Variants in ADCY8 observed in about 807,000 individuals in gnomAD.
ADCY8 encodes adenylate cyclase type 8.
ADCY8 carries 51 observed loss-of-function variants against 119.7 expected under a neutral mutation model. That is an observed-to-expected ratio of 0.43 (90% CI 0.34 to 0.54). The LOEUF is 0.54. Ranked by LOEUF, ADCY8 falls within the 20% of genes least tolerant of loss-of-function variation. The pLI, the probability that ADCY8 is intolerant of heterozygous loss-of-function variation, is 0.03. For synonymous variants in ADCY8, 665 were observed against 651.0 expected (o/e 1.02, Z -0.33); for missense variants, 1,383 against 1,598.8 (o/e 0.87, Z 2.30).
chr8:130,940,496 T>C lies in ADCY8; in HGVS notation c.1353+2855A>G, dbSNP rs558664564. On this transcript the variant is annotated intron_variant, in intron 4 of 17. Coordinates refer to ENST00000286355, the MANE Select transcript of ADCY8 (RefSeq NM_001115.3). ...TGGTTGTATATACGCATATATATTA[T>C]ATAAAATTATTTTATACAAAAAAAT... is the stretch of plus-strand genomic sequence containing the variant. 1.3e-3 allele frequency among the ~76,000 whole-genome samples: 195 copies of C among 151,928 alleles called. 1 individual carries two copies. Among genetic ancestry groups the C allele is most frequent in the Middle Eastern group, 3.5e-3 (1 of 286 alleles).
intron 11 of ADCY8, 25 bp from the exon 12 acceptor site, chr8:130,836,474 C>A: frequency 1.2e-6 from 2 of 1,607,652 alleles, no homozygotes; most frequent in South Asian, 2.2e-5. Context: ...TGCAGGTGGT[C>A]AGATTCAATG....
intron 15 of ADCY8, among the ~76,000 whole-genome samples, chr8:130,798,043 T>C (rs1194404194): frequency 1.3e-5 from 2 of 152,198 alleles, no homozygotes; most frequent in Admixed American, 1.3e-4. Flanking sequence ...ATTTTTAAAA[T>C]GAAGGCTAAT....
chr8:130,969,526 C>A (rs932165374), intron 2 of ADCY8, among the ~76,000 whole-genome samples: 1 of 152,152 alleles, frequency 6.6e-6, no homozygotes, highest in Non-Finnish European at 1.5e-5. Flanking sequence ...TTATTATTAA[C>A]TACACTTGTA....
At chr8:130,875,027 T>G (rs980702076) in intron 8 of ADCY8, among the ~76,000 whole-genome samples, 2 of 152,186 alleles carry the variant, frequency 1.3e-5, no homozygotes, top group Admixed American at 1.3e-4. Flanking sequence ...TATATTACAC[T>G]GTTATAGGTG....
At position 130,814,150 on chromosome 8, in the gene ADCY8, C is replaced by A; in HGVS notation, c.2832G>T (p.Arg944Ser). The change falls in exon 14 of 18, where the codon AGG becomes AGT. Residue 944 changes from arginine to serine, a missense_variant. Around this residue, in one of 2 missense-constraint regions of ADCY8, gnomAD observed 928 missense variants for 1,163.5 expected, o/e 0.80. Coordinates refer to ENST00000286355, the MANE Select transcript of ADCY8 (RefSeq NM_001115.3). The stretch of plus-strand genomic sequence containing the variant: ...TCCGGAGCATGTTCTCATTGTGTTC[C>A]CTCAGCTCCTTCATCTCATTGATCT... ...KEEINEMKELREHNENMLRNI... is the reference protein window; with the variant it reads ...KEEINEMKELSEHNENMLRNI... 1 of 1,614,088 alleles carries A rather than the reference C, an allele frequency of 6.2e-7. No individual in the cohort carries two copies. The highest frequency in any genetic ancestry group is 8.5e-7 in the Non-Finnish European group (1 of 1,180,036).
At chr8:130,995,574 C>A (rs1369855789) in intron 1 of ADCY8, among the ~76,000 whole-genome samples, 5 of 152,126 alleles carry the variant, frequency 3.3e-5, no homozygotes, top group African/African-American at 4.8e-5. Flanking sequence ...TCTAACCAAT[C>A]TGATTTCTGT....
chr8:130,816,661 G>A (rs191940731), intron 13 of ADCY8, among the ~76,000 whole-genome samples: 141 of 152,016 alleles, frequency 9.3e-4, no homozygotes, highest in East Asian at 8.9e-3. Context: ...TCCTGACCTC[G>A]TGATCCACCT....
At chr8:130,992,315 C>T (rs1218700041) in intron 1 of ADCY8, among the ~76,000 whole-genome samples, 1 of 136,762 alleles carries the variant, frequency 7.3e-6, no homozygotes, top group Non-Finnish European at 1.6e-5. Context: ...AACTCCTGAC[C>T]TCAAGTGATC....
At chr8:130,843,533 A>C (rs1817209246) in intron 11 of ADCY8, among the ~76,000 whole-genome samples, 1 of 152,124 alleles carries the variant, frequency 6.6e-6, no homozygotes, top group Non-Finnish European at 1.5e-5. Flanking sequence ...AGCAATAATA[A>C]AGCTCAGGCA....
At chr8:130,823,672 G>A (rs1222621860) in intron 12 of ADCY8, among the ~76,000 whole-genome samples, 1 of 152,028 alleles carries the variant, frequency 6.6e-6, no homozygotes, top group Admixed American at 6.6e-5. Flanking sequence ...ATATTTGAGT[G>A]CTATTCATTA....
At chr8:131,024,735 T>C (rs1823773060) in intron 1 of ADCY8, among the ~76,000 whole-genome samples, 2 of 152,200 alleles carry the variant, frequency 1.3e-5, no homozygotes, top group South Asian at 4.1e-4. Context: ...GACACACAAA[T>C]TTGCAACTGA....
chr8:130,798,332 T>C (rs1676350167), intron 15 of ADCY8, among the ~76,000 whole-genome samples: 1 of 152,140 alleles, frequency 6.6e-6, no homozygotes, highest in Non-Finnish European at 1.5e-5. Flanking sequence ...CCTTCAACCG[T>C]AGAAGTAGCG....
chr8:130,959,636 C>T (rs895806987), intron 2 of ADCY8, among the ~76,000 whole-genome samples: 7 of 152,090 alleles, frequency 4.6e-5, no homozygotes, highest in Admixed American at 1.3e-4. Context: ...AATGGTTCAT[C>T]GAGAGTCCAG....
chr8:131,026,684 A>G lies in ADCY8; in HGVS notation c.960+12690T>C, dbSNP rs556112862. Among the ~76,000 whole-genome samples the G allele has an allele frequency of 2.0e-5, 3 of 152,328 alleles. No homozygotes were observed. The East Asian group carries it at 5.8e-4, about 29-fold the overall frequency. On this transcript the variant is annotated intron_variant, in intron 1 of 17. Transcript: ENST00000286355. ...TGATTCCTATTCACATTAAAGTTGG[A>G]GAAGCACTGGTCTAAAAGATGCAGG... is the stretch of plus-strand genomic sequence containing the variant.
Position 130,814,198 on chromosome 8 carries a change from A to G in ADCY8, c.2784T>C (p.Leu928=), listed in dbSNP as rs1816265435. The change falls in exon 14 of 18, where the codon CTT becomes CTC. Residue 928 remains leucine, a synonymous_variant. Coordinates refer to ENST00000286355, the MANE Select transcript of ADCY8 (RefSeq NM_001115.3). ...TCTCCTCTTTGGCCTGTACTCGCCA[A>G]AGGAAGTCCAGGCGGGCTGTGTACT... is the stretch of plus-strand genomic sequence containing the variant. ...QLEYTARLDF[L]WRVQAKEEIN... is the part of the protein sequence containing the mutation. 1.2e-6 allele frequency: 2 copies of G among 1,614,126 alleles called. No homozygotes were observed. The highest frequency in any genetic ancestry group is 4.5e-5 in the East Asian group (2 of 44,882).
intron 5 of ADCY8, 105 bp downstream of exon 5, chr8:130,936,968 G>A (rs1033959161): frequency 2.2e-6 from 3 of 1,364,938 alleles, no homozygotes; most frequent in East Asian, 2.5e-5. Context: ...AAGTCAAAAG[G>A]TTCTGCCTTT....
At chr8:130,874,520 C>T (rs187227371) in intron 8 of ADCY8, among the ~76,000 whole-genome samples, 1 of 152,164 alleles carries the variant, frequency 6.6e-6, no homozygotes, top group Non-Finnish European at 1.5e-5. Context: ...GAATGTCTCA[C>T]TGACATACTT....
intron 1 of ADCY8, among the ~76,000 whole-genome samples, chr8:131,020,139 C>T (rs1823618234): frequency 6.6e-6 from 1 of 152,038 alleles, no homozygotes; most frequent in East Asian, 1.9e-4. Flanking sequence ...GCAGTCAGAT[C>T]TAAGAGGTAG....
intron 1 of ADCY8, among the ~76,000 whole-genome samples, chr8:131,017,071 GA>G (rs1039786567): frequency 4.0e-5 from 6 of 150,908 alleles, no homozygotes; most frequent in Non-Finnish European, 7.4e-5. Context: ...GAATGTACAT[GA>G]TTTTTTTTTT....
Sources: gnomAD v4.1 joint callset for allele counts (sites outside exome capture counted in the v4.1 genomes callset) on GRCh38, gnomAD v4.1.1 for gene constraint, gnomAD v4.1.1 regional missense constraint, MANE v1.5 for transcripts, NCBI Gene and HGNC (gene_info 2026-07-23, HGNC 2026-07-21) for gene names.